EXOC4: variants seen among roughly 807,000 people sequenced by gnomAD.
EXOC4 encodes SEC8-like 1.
EXOC4 carries 71 observed loss-of-function variants against 107.2 expected under a neutral mutation model. The observed-to-expected ratio is 0.66, with a 90% CI of 0.55 to 0.81. The LOEUF is 0.81. Among genes scored for constraint, EXOC4 ranks in the 30% least tolerant of loss-of-function variants. The pLI is 0.00. For missense variants in EXOC4, 1,108 were observed against 1,189.6 expected (o/e 0.93, Z 1.01); for synonymous variants, 456 against 441.2 (o/e 1.03, Z -0.42).
At chr7:133,374,497 A>G (rs889278250) in intron 6 of EXOC4, among the ~76,000 whole-genome samples, 5 of 152,244 alleles carry the variant, frequency 3.3e-5, no homozygotes, top group African/African-American at 1.2e-4. Flanking sequence ...GCCTGTATGA[A>G]TACATAGTAG....
intron 7 of EXOC4, among the ~76,000 whole-genome samples, chr7:133,410,297 A>G (rs1797327118): frequency 6.6e-6 from 1 of 152,194 alleles, no homozygotes; most frequent in East Asian, 1.9e-4. Flanking sequence ...GCATTATATT[A>G]GGGAAAAAAG....
intron 14 of EXOC4, among the ~76,000 whole-genome samples, chr7:133,967,579 T>C (rs1373618286): frequency 6.6e-6 from 1 of 152,224 alleles, no homozygotes; most frequent in African/African-American, 2.4e-5. Context: ...CTTCATTTTG[T>C]TATTTACCCA....
chr7:133,997,581 T>C lies in EXOC4; in HGVS notation c.2296T>C (p.Ser766Pro). The change falls in exon 15 of 18, where the codon TCG becomes CCG. Residue 766 changes from serine to proline, a missense_variant. By Grantham distance (74) the Ser-to-Pro change is moderately conservative (BLOSUM62 -1). Coordinates refer to ENST00000253861, the MANE Select transcript of EXOC4 (RefSeq NM_021807.4). ...GCAGACTCTCAGTGAACTTGCCAAA[T>C]CGTTCCAGGATATGGCTGACCGCTG... Reference protein sequence around the residue: ...IMQTLSELAKSFQDMADRCLL... With the variant: ...IMQTLSELAKPFQDMADRCLL... The C allele has an allele frequency of 8.7e-6, 14 of 1,613,682 alleles. No individual in the cohort carries two copies. The highest frequency in any genetic ancestry group is 1.2e-5 in the Non-Finnish European group (14 of 1,179,786).
chr7:133,671,146 A>T (rs937384831), intron 10 of EXOC4, among the ~76,000 whole-genome samples: 1 of 152,240 alleles, frequency 6.6e-6, no homozygotes, highest in Admixed American at 6.5e-5. Context: ...GAGAGATGCC[A>T]GGGCAAGATT....
chr7:133,686,174 C>T (rs1794294505), intron 10 of EXOC4, among the ~76,000 whole-genome samples: 1 of 152,136 alleles, frequency 6.6e-6, no homozygotes, highest in African/African-American at 2.4e-5. Flanking sequence ...CATGACTCTG[C>T]AGAAAGTCCT....
intron 10 of EXOC4, among the ~76,000 whole-genome samples, chr7:133,751,283 T>C (rs1360525616): frequency 6.6e-6 from 1 of 152,218 alleles, no homozygotes; most frequent in Non-Finnish European, 1.5e-5. Context: ...TTTGAGAGTC[T>C]AGTCACATTT....
At chr7:133,921,361 T>C (rs1187918938) in intron 13 of EXOC4, among the ~76,000 whole-genome samples, 1 of 152,242 alleles carries the variant, frequency 6.6e-6, no homozygotes, top group East Asian at 1.9e-4. Context: ...ATTAAAATGC[T>C]AATCTCTTCT....
At chr7:133,432,653 A>G (rs542355779) in intron 7 of EXOC4, among the ~76,000 whole-genome samples, 29 of 152,182 alleles carry the variant, frequency 1.9e-4, no homozygotes, top group Non-Finnish European at 4.3e-4. Flanking sequence ...TAAAATGTTC[A>G]CTGTAAAGCT....
At chr7:133,779,210 T>C (rs1796409507) in intron 10 of EXOC4, among the ~76,000 whole-genome samples, 1 of 152,236 alleles carries the variant, frequency 6.6e-6, no homozygotes, top group African/African-American at 2.4e-5. Context: ...TTTTGCTTTC[T>C]GATACTGTAA....
intron 14 of EXOC4, among the ~76,000 whole-genome samples, chr7:133,977,321 C>G (rs1793861512): frequency 6.6e-6 from 1 of 152,076 alleles, no homozygotes; most frequent in South Asian, 2.1e-4. Flanking sequence ...ATCTTCTTTG[C>G]AAGGGCATCT....
chr7:133,631,992 C>G (rs1161412655), intron 10 of EXOC4, among the ~76,000 whole-genome samples: 1 of 152,046 alleles, frequency 6.6e-6, no homozygotes, highest in African/African-American at 2.4e-5. Flanking sequence ...ACCGTGTTGT[C>G]AGTAACCACT....
rs534432523 is a variant in EXOC4 at position 133,969,212 on chromosome 7, A to G, written c.2207-28280A>G. The stretch of plus-strand genomic sequence containing the variant: ...CATCAGGTCGTTTCTGTTCTTCTCT[A>G]AACTGGTTATTCTAGTTAGCAATTC... On this transcript the variant is annotated intron_variant, in intron 14 of 17. Coordinates refer to ENST00000253861, the MANE Select transcript of EXOC4 (RefSeq NM_021807.4). Among the ~76,000 whole-genome samples, 14 of 152,230 alleles carry G rather than the reference A, an allele frequency of 9.2e-5. 1 individual carries two copies. In the South Asian group the frequency reaches 2.3e-3, roughly 25 times the overall value.
intron 7 of EXOC4, among the ~76,000 whole-genome samples, chr7:133,384,495 T>G (rs1796683724): frequency 6.6e-6 from 1 of 152,156 alleles, no homozygotes; most frequent in Admixed American, 6.5e-5. Flanking sequence ...CATCAAGATT[T>G]GGTGCACCTG....
At chr7:133,796,887 C>T (rs985663690) in intron 10 of EXOC4, among the ~76,000 whole-genome samples, 3 of 152,184 alleles carry the variant, frequency 2.0e-5, no homozygotes, top group South Asian at 2.1e-4. Flanking sequence ...TAATGAAAGA[C>T]GCTGCCATCT....
intron 10 of EXOC4, among the ~76,000 whole-genome samples, chr7:133,681,725 T>A (rs950230156): frequency 1.3e-5 from 2 of 152,074 alleles, no homozygotes; most frequent in Non-Finnish European, 2.9e-5. Flanking sequence ...AGCAAAATGA[T>A]TAGCTTGCAT....
chr7:133,376,605 G>C (rs549692754), intron 7 of EXOC4, among the ~76,000 whole-genome samples: 9 of 152,284 alleles, frequency 5.9e-5, no homozygotes, highest in Admixed American at 2.6e-4. Context: ...TAGCCCTTTG[G>C]TCAGATATGA....
chr7:133,823,843 T>TTATATA (rs869279764), intron 11 of EXOC4, among the ~76,000 whole-genome samples: 2 of 18,718 alleles, frequency 1.1e-4, no homozygotes, highest in Non-Finnish European at 1.5e-4. Flanking sequence ...TATATATATA[T>TTATATA]TATATATATA....
chr7:133,562,189 T>C (rs1033448307), intron 9 of EXOC4, among the ~76,000 whole-genome samples: 4 of 152,202 alleles, frequency 2.6e-5, no homozygotes, highest in African/African-American at 9.7e-5. Context: ...TTTATTTGCT[T>C]TTACTGTGAA....
At chr7:133,851,598 A>C (rs2346264) in intron 11 of EXOC4, among the ~76,000 whole-genome samples, 129,868 of 152,234 alleles carry the variant, frequency 0.85, 55,999 homozygotes, top group African/African-American at 0.96. Flanking sequence ...GCAGCACATT[A>C]CAGCCAGAGG....
Sources: allele counts gnomAD v4.1 joint callset (sites outside exome capture counted in the v4.1 genomes callset), GRCh38; gene constraint gnomAD v4.1.1; transcripts MANE v1.5; gene names NCBI Gene and HGNC (gene_info 2026-07-23, HGNC 2026-07-21).